The following PABIR3 variants were observed in gnomAD, a reference collection of about 807,000 sequenced individuals.
The protein encoded by PABIR3 is PABIR family member 1.
PABIR3 carries 20 observed loss-of-function variants against 23.1 expected under a neutral mutation model. That is an observed-to-expected ratio of 0.86 (90% CI 0.61 to 1.26). PABIR3 has a LOEUF of 1.26. Ranked by LOEUF, PABIR3 falls within the 50% of genes most tolerant of loss-of-function variation. The pLI, the probability that PABIR3 is intolerant of heterozygous loss-of-function variation, is 0.00. For synonymous variants in PABIR3, 69 were observed against 68.5 expected (o/e 1.01, Z -0.04); for missense variants, 189 against 195.4 (o/e 0.97, Z 0.20).
chrX:134,840,168 G>A (rs982726307), intron 4 of PABIR3, among the ~76,000 whole-genome samples: 3 of 110,839 alleles, frequency 2.7e-5, no homozygotes, highest in African/African-American at 9.9e-5. Context: ...CAGCGTGCTC[G>A]TTAAGAGTCA....
At chrX:134,841,151 G>A (rs2148320665) in intron 4 of PABIR3, among the ~76,000 whole-genome samples, 1 of 108,797 alleles carries the variant, frequency 9.2e-6, no homozygotes, top group Admixed American at 1.0e-4. Context: ...TTTTAGTAGA[G>A]ATGAGGTCTT....
the PABIR3 span, among the ~76,000 whole-genome samples, chrX:134,860,881 CAA>C: frequency 9.0e-6 from 1 of 111,469 alleles, no homozygotes; most frequent in African/African-American, 3.3e-5. Flanking sequence ...TTAGAATAGA[CAA>C]ATTCATAAGG....
At chrX:134,861,051 C>T in the PABIR3 span, among the ~76,000 whole-genome samples, 4 of 111,147 alleles carry the variant, frequency 3.6e-5, no homozygotes, top group South Asian at 3.8e-4. Flanking sequence ...CTGAGGCGGG[C>T]GGATCACAAG....
At chrX:134,858,416 A>C (rs1485066829), downstream of PABIR3, among the ~76,000 whole-genome samples, 2 of 110,913 alleles carry the variant, frequency 1.8e-5, no homozygotes, top group Non-Finnish European at 3.8e-5. Flanking sequence ...CTTTGTCCCT[A>C]CTCCTGGAAT....
intron 3 of PABIR3, among the ~76,000 whole-genome samples, chrX:134,828,500 A>G (rs552172088): frequency 1.8e-5 from 2 of 112,316 alleles, no homozygotes; most frequent in Middle Eastern, 4.6e-3. Context: ...CGGTACAGAA[A>G]GAGTTTACAG....
At chrX:134,835,879 C>G (rs1207343402) in intron 4 of PABIR3, 1 of 111,796 alleles carries the variant, frequency 8.9e-6, no homozygotes, top group Non-Finnish European at 1.9e-5. Flanking sequence ...GCTCTGTTGC[C>G]TAGGCTGGAG....
At position 134,814,954 on chromosome X, in the gene PABIR3, C is replaced by T. The variant is rs750713404; in HGVS notation, c.189+105C>T. 2.2e-4 allele frequency: 128 copies of T among 586,746 alleles called. No individual in the cohort carries two copies. The African/African-American group carries it at 2.3e-3, about 11-fold the overall frequency. The allele number at this position is 586,746 out of a possible 1,213,427, so 48.4% of individuals were successfully genotyped here. Reference sequence around the variant, plus strand: ...TTCACAGGGAGGGCTTATTAAAACACAGATGGCCAGCGGGAGTCTCACCCC... The same window carrying T: ...TTCACAGGGAGGGCTTATTAAAACATAGATGGCCAGCGGGAGTCTCACCCC... On this transcript the variant is annotated intron_variant, in intron 3 of 10. Transcript: ENST00000645433.
At chrX:134,836,568 C>A (rs2081982025) in intron 4 of PABIR3, among the ~76,000 whole-genome samples, 1 of 112,191 alleles carries the variant, frequency 8.9e-6, no homozygotes, top group South Asian at 3.7e-4. Context: ...TGGCTATCTT[C>A]ATGTTCACAT....
At chrX:134,809,610 A>G (rs2080514874) in intron 2 of PABIR3, 1 of 751,232 alleles carries the variant, frequency 1.3e-6, no homozygotes, top group Non-Finnish European at 1.6e-6. Context: ...CTTTTGTTGC[A>G]TCATACTAAT....
chrX:134,861,068 A>G, the PABIR3 span, among the ~76,000 whole-genome samples: 1 of 111,094 alleles, frequency 9.0e-6, no homozygotes, highest in African/African-American at 3.3e-5. Context: ...CAAGGTCAGG[A>G]GTTGGAGACC....
the PABIR3 span, among the ~76,000 whole-genome samples, chrX:134,864,770 C>T: frequency 8.9e-6 from 1 of 112,130 alleles, no homozygotes; most frequent in Admixed American, 9.5e-5. Context: ...CTGCTATCAA[C>T]ATTTGTGTTT....
At chrX:134,856,521 A>G (rs1007533504), downstream of PABIR3, among the ~76,000 whole-genome samples, 4 of 110,700 alleles carry the variant, frequency 3.6e-5, no homozygotes, top group African/African-American at 1.3e-4. Flanking sequence ...TAGTTGATTT[A>G]GCTGTACACT....
chrX:134,838,470 C>T (rs762486103), intron 4 of PABIR3, among the ~76,000 whole-genome samples: 1 of 108,786 alleles, frequency 9.2e-6, no homozygotes, highest in East Asian at 2.9e-4. Flanking sequence ...CCTGCCACCA[C>T]GCCCAGCTAA....
At chrX:134,820,024 A>G (rs139421796) in intron 3 of PABIR3, among the ~76,000 whole-genome samples, 2,721 of 111,776 alleles carry the variant, frequency 0.024, 81 homozygotes, top group African/African-American at 0.083. Context: ...CAGTGGGCCA[A>G]TGACATCATC....
At chrX:134,799,533 G>A (rs892754999) in intron 1 of PABIR3, among the ~76,000 whole-genome samples, 12 of 112,251 alleles carry the variant, frequency 1.1e-4, no homozygotes, top group African/African-American at 3.9e-4. Flanking sequence ...TCTCCTTTGC[G>A]AACCTTCTCA....
At chrX:134,807,770 T>G in intron 2 of PABIR3, 62 bp downstream of exon 2, 1 of 1,051,554 alleles carries the variant, frequency 9.5e-7, no homozygotes, top group Non-Finnish European at 1.3e-6. Flanking sequence ...GGGAAAGTGA[T>G]TTCCTATAGA....
intron 4 of PABIR3, among the ~76,000 whole-genome samples, chrX:134,840,328 C>G (rs1473503519): frequency 9.1e-6 from 1 of 109,500 alleles, no homozygotes; most frequent in African/African-American, 3.3e-5. Context: ...AAATCCCCCT[C>G]TGCGAGAAAC....
chrX:134,841,431 T>C (rs2082227795), intron 4 of PABIR3, among the ~76,000 whole-genome samples: 1 of 112,195 alleles, frequency 8.9e-6, no homozygotes, highest in South Asian at 3.7e-4. Context: ...CATTTACTTA[T>C]ACATTTTGGA....
intron 3 of PABIR3, among the ~76,000 whole-genome samples, chrX:134,823,497 G>GGT (rs1328377294): frequency 3.6e-5 from 4 of 110,945 alleles, no homozygotes; most frequent in Admixed American, 2.9e-4. Flanking sequence ...CCTCTTCAAA[G>GGT]GTGTGTGTGT....
Sources: allele counts gnomAD v4.1 joint callset (sites outside exome capture counted in the v4.1 genomes callset), GRCh38; gene constraint gnomAD v4.1.1; transcripts MANE v1.5; gene names NCBI Gene and HGNC (gene_info 2026-07-23, HGNC 2026-07-21).